MRS2: variants seen among roughly 807,000 people sequenced by gnomAD.
The protein encoded by MRS2 is magnesium transporter MRS2 homolog, mitochondrial.
MRS2 carries 40 observed loss-of-function variants against 52.6 expected under a neutral mutation model. The ratio of observed to expected loss-of-function variants is 0.76; its 90% CI spans 0.59 to 0.99. The LOEUF (loss-of-function observed/expected upper bound fraction) is 0.99, where lower values mean the gene tolerates loss of function less well. Among genes scored for constraint, MRS2 ranks in the 50% least tolerant of loss-of-function variants. The probability of loss-of-function intolerance (pLI) is 0.00; values close to 1 mark genes in which losing one functional copy is unlikely to be tolerated. For missense variants in MRS2, 472 were observed against 532.7 expected (o/e 0.89, Z 1.12); for synonymous variants, 193 against 195.9 (o/e 0.98, Z 0.13).
At position 24,418,359 on chromosome 6, in the gene MRS2, T is replaced by G. The variant is rs530778813; in HGVS notation, c.990-102T>G. 1.9e-3 allele frequency: 2,972 copies of G among 1,531,098 alleles called. 19 individuals carry two copies. Among genetic ancestry groups the G allele is most frequent in the South Asian group, 6.7e-3 (496 of 74,192 alleles). 94.8% of individuals were successfully genotyped at this position (1,531,098 alleles called of 1,614,324 possible). On this transcript the variant is annotated intron_variant, in intron 8 of 10. Coordinates refer to ENST00000378386, the MANE Select transcript of MRS2 (RefSeq NM_020662.4). ...TCTATACTACATTATTATTATTTTT[T>G]TTGTTGTGTAGGTTTCATCCATGTG...
Position 24,403,108 on chromosome 6 carries a change from C to T in MRS2, c.62C>T (p.Thr21Met). 2 of 1,612,370 alleles carry T rather than the reference C, an allele frequency of 1.2e-6. No homozygotes were observed. The highest frequency in any genetic ancestry group is 1.7e-6 in the Non-Finnish European group (2 of 1,179,814). The change falls in exon 1 of 11, where the codon ACG becomes ATG. Residue 21 changes from threonine (T) to methionine (M), a missense_variant. Transcript: ENST00000378386. ...LPRAMRLPRR[T>M]LCALALDVTS... ...CGCGCGATGAGACTTCCCCGGCGGA[C>T]GCTGTGTGCCCTGGCCTTGGACGTG...
chr6:24,406,941 A>G (rs376735949), intron 2 of MRS2, among the ~76,000 whole-genome samples: 4 of 152,196 alleles, frequency 2.6e-5, no homozygotes, highest in African/African-American at 7.2e-5. Flanking sequence ...TACAAAGTAA[A>G]TATTTTTTTC....
chr6:24,410,879 A>G, intron 4 of MRS2: 2 of 749,282 alleles, frequency 2.7e-6, no homozygotes, highest in Non-Finnish European at 4.3e-6. Context: ...GCAATCTTTC[A>G]ACTTTTCTGT....
chr6:24,415,238 T>TA (rs1761807861), intron 6 of MRS2, 75 bp downstream of exon 6: 7 of 1,452,276 alleles, frequency 4.8e-6, no homozygotes, highest in Non-Finnish European at 6.5e-6. Context: ...TTTTGTTTCA[T>TA]AACTTTTTTT....
At position 24,402,974 on chromosome 6, in the gene MRS2, C is replaced by T. The variant is rs746437948; in HGVS notation, c.-73C>T. The T allele has an allele frequency of 4.5e-5, 64 of 1,416,528 alleles. No individual in the cohort carries two copies. The highest frequency in any genetic ancestry group is 1.4e-4 in the Admixed American group (6 of 43,792). The allele number at this position is 1,416,528 out of a possible 1,614,324, so 87.7% of individuals were successfully genotyped here. A position where few individuals can be genotyped will look rare whatever the true frequency, so the allele number is the denominator to read the frequency against. ...GTCGGGCGGTAGCGACAGGTCAGAG[C>T]TGCGGCCTGAGCAGCCAGCGTCCGG... is the stretch of plus-strand genomic sequence containing the variant. On this transcript the variant is annotated 5_prime_UTR_variant, in exon 1 of 11. Transcript: ENST00000378386.
chr6:24,403,265 G>A (rs1441859835), intron 1 of MRS2, 29 bp downstream of exon 1: 2 of 1,567,672 alleles, frequency 1.3e-6, no homozygotes, highest in Non-Finnish European at 8.6e-7. Flanking sequence ...AACAGCCTTG[G>A]GACGCTGGTC....
chr6:24,419,613 A>C (rs909765824), intron 9 of MRS2, among the ~76,000 whole-genome samples: 10 of 152,264 alleles, frequency 6.6e-5, no homozygotes, highest in African/African-American at 2.4e-4. Flanking sequence ...GAGCTGGAAA[A>C]ATAACAGAAT....
Position 24,412,388 on chromosome 6 carries a change from A to T in MRS2, c.581A>T (p.Gln194Leu), listed in dbSNP as rs1369707547. The stretch of plus-strand genomic sequence containing the variant: ...TTTAGAGCTATAGAAGCACTCCTGC[A>T]ATATTGGGTAAGTCTGTTTTTATTT... The part of the protein sequence containing the change: ...FEFRAIEALL[Q>L]YWINTLQGKL... The change falls in exon 5 of 11, where the codon CAA becomes CTA. Residue 194 changes from glutamine (Q) to leucine (L), a missense_variant. Physicochemically the swap from Gln to Leu is moderately radical, Grantham distance 113. Coordinates refer to ENST00000378386, the MANE Select transcript of MRS2 (RefSeq NM_020662.4). 6.5e-7 allele frequency: 1 copy of T among 1,543,808 alleles called. No homozygotes were observed. Among genetic ancestry groups the T allele is most frequent in the South Asian group, 1.3e-5 (1 of 79,672 alleles).
intron 1 of MRS2, 40 bp downstream of exon 1, chr6:24,403,276 T>C (rs1259018103): frequency 6.5e-7 from 1 of 1,546,912 alleles, no homozygotes; most frequent in Admixed American, 1.9e-5. Flanking sequence ...GACGCTGGTC[T>C]TGCAGTGACC....
chr6:24,404,081 C>T (rs1761378530), intron 1 of MRS2, among the ~76,000 whole-genome samples: 1 of 152,318 alleles, frequency 6.6e-6, no homozygotes, highest in South Asian at 2.1e-4. Flanking sequence ...AAGAACATAG[C>T]AGTGTCCTCA....
chr6:24,418,422 G>C (rs768810469), intron 8 of MRS2, 39 bp from the exon 9 acceptor site: 1 of 1,612,402 alleles, frequency 6.2e-7, no homozygotes, highest in South Asian at 1.1e-5. Context: ...TATATAGTTA[G>C]TGGGCCCTTC....
chr6:24,414,566 T>C lies in MRS2; in HGVS notation c.589-467T>C, dbSNP rs574160540. Among the ~76,000 whole-genome samples, 28 of 150,592 alleles carry C rather than the reference T, an allele frequency of 1.9e-4. No individual in the cohort carries two copies. The East Asian group carries it at 4.7e-3, about 25-fold the overall frequency. On this transcript the variant is annotated intron_variant, in intron 5 of 10. Transcript: ENST00000378386. ...TCTACTTCTTTCTACACAGACACAG[T>C]AACAATCTGATCTCTCTTTCTTTTC...
In MRS2 at chr6:24,424,741, G is replaced by GCATAGAAGAT. The variant is rs1762170824; in HGVS notation, c.*1047_*1048insCATAGAAGAT. The stretch of plus-strand genomic sequence containing the variant: ...TAGTGTGCATGGAAGATTCTAGAGT[G>GCATAGAAGAT]TCCAGCTCTTGCACTACAAATGTAA... On this transcript the variant is annotated 3_prime_UTR_variant, in exon 11 of 11. Coordinates refer to ENST00000378386, the MANE Select transcript of MRS2 (RefSeq NM_020662.4). The GCATAGAAGAT allele has an allele frequency of 6.6e-6, 1 of 152,208 alleles. No homozygotes were observed. Among genetic ancestry groups the GCATAGAAGAT allele is most frequent in the African/African-American group, 2.4e-5 (1 of 41,454 alleles). 9.4% of individuals were successfully genotyped at this position (152,208 alleles called of 1,614,324 possible). A position where few individuals can be genotyped will look rare whatever the true frequency, so the allele number is the denominator to read the frequency against.
At chr6:24,418,363 T>C in intron 8 of MRS2, 98 bp from the exon 9 acceptor site, 1 of 1,534,324 alleles carries the variant, frequency 6.5e-7, no homozygotes. Flanking sequence ...ATTTTTTTTG[T>C]TGTGTAGGTT....
At chr6:24,412,864 T>C (rs1581701441) in intron 5 of MRS2, among the ~76,000 whole-genome samples, 1 of 152,262 alleles carries the variant, frequency 6.6e-6, no homozygotes, top group African/African-American at 2.4e-5. Context: ...CATTATCTTT[T>C]CTTCCTCCTG....
intron 2 of MRS2, among the ~76,000 whole-genome samples, chr6:24,406,836 T>C (rs1366692121): frequency 2.6e-5 from 4 of 152,150 alleles, no homozygotes; most frequent in East Asian, 1.9e-4. Flanking sequence ...GGTGAAATAA[T>C]TGCAAAGAAC....
In MRS2 at chr6:24,424,736, A is replaced by G. The variant is rs1281982549; in HGVS notation, c.*1042A>G. On this transcript the variant is annotated 3_prime_UTR_variant, in exon 11 of 11. Transcript: ENST00000378386. Reference sequence around the variant, plus strand: ...CAAAGTAGTGTGCATGGAAGATTCTAGAGTGTCCAGCTCTTGCACTACAAA... The same window carrying G: ...CAAAGTAGTGTGCATGGAAGATTCTGGAGTGTCCAGCTCTTGCACTACAAA... 1.3e-5 allele frequency: 2 copies of G among 152,232 alleles called. No homozygotes were observed. The highest frequency in any genetic ancestry group is 2.4e-5 in the African/African-American group (1 of 41,458). The allele number at this position is 152,232 out of a possible 1,614,324, so 9.4% of individuals were successfully genotyped here. A position where few individuals can be genotyped will look rare whatever the true frequency, so the allele number is the denominator to read the frequency against.
chr6:24,423,807 A>T lies in MRS2; in HGVS notation c.*113A>T. 1 of 458,652 alleles carries T rather than the reference A, an allele frequency of 2.2e-6. No individual in the cohort carries two copies. The highest frequency in any genetic ancestry group is 3.9e-6 in the Non-Finnish European group (1 of 255,400). 28.4% of individuals were successfully genotyped at this position (458,652 alleles called of 1,614,324 possible). A position where few individuals can be genotyped will look rare whatever the true frequency, so the allele number is the denominator to read the frequency against. ...GACACTTGAAAAAAACTAATGTTTG[A>T]AGACAAAAATATTTTGGCAGTCACA... On this transcript the variant is annotated 3_prime_UTR_variant, in exon 11 of 11. Transcript: ENST00000378386.
chr6:24,416,777 A>C (rs918837962), intron 7 of MRS2, among the ~76,000 whole-genome samples: 2 of 152,202 alleles, frequency 1.3e-5, no homozygotes, highest in African/African-American at 2.4e-5. Context: ...GGGACTGACC[A>C]CCAGATTGGC....
Sources: allele counts gnomAD v4.1 joint callset (sites outside exome capture counted in the v4.1 genomes callset), GRCh38; gene constraint gnomAD v4.1.1; transcripts MANE v1.5; gene names NCBI Gene and HGNC (gene_info 2026-07-23, HGNC 2026-07-21).